The following FAM53A variants were observed in gnomAD, a reference collection of about 807,000 sequenced individuals.
FAM53A encodes family with sequence similarity 53 member A.
In FAM53A, 28 loss-of-function variants were observed where a neutral mutation model predicts 26.6. The observed-to-expected ratio is 1.05, with a 90% CI of 0.78 to 1.45. The LOEUF is 1.45. FAM53A is among the 40% of genes most tolerant of loss of function. The pLI is 0.00. For synonymous variants in FAM53A, 290 were observed against 253.1 expected (o/e 1.15, Z -1.38); for missense variants, 650 against 575.8 (o/e 1.13, Z -1.32).
the FAM53A span, among the ~76,000 whole-genome samples, chr4:1,591,001 T>TATATATATATATAA: frequency 4.8e-5 from 6 of 125,738 alleles, no homozygotes; most frequent in Non-Finnish European, 8.4e-5. Context: ...TATATATATA[T>TATATATATATATAA]AATCATTCTA....
At chr4:1,672,133 G>T (rs13116550) in intron 1 of FAM53A, among the ~76,000 whole-genome samples, 4 of 148,780 alleles carry the variant, frequency 2.7e-5, no homozygotes, top group East Asian at 4.0e-4. Context: ...CAGGGACCTA[G>T]GGACCCAAAG....
At chr4:1,616,774 G>C (rs1228979616), downstream of FAM53A, among the ~76,000 whole-genome samples, 1 of 152,178 alleles carries the variant, frequency 6.6e-6, no homozygotes. Flanking sequence ...CCTTAGTTAT[G>C]TAAGTTTCTT....
At position 1,630,611 on chromosome 4, in the gene FAM53A, G is replaced by A. The variant is rs143730787; in HGVS notation, c.432-12500C>T. Among the ~76,000 whole-genome samples, 555 of 152,212 alleles carry A rather than the reference G, an allele frequency of 3.6e-3. 5 individuals are homozygous for A. The highest frequency in any genetic ancestry group is 9.9e-3 in the African/African-American group (411 of 41,546). On this transcript the variant is annotated intron_variant, in intron 1 of 1. Transcript: ENST00000489029. This position sits in a 1 kb window ranked among gnomAD's most constrained non-coding sequence, Gnocchi z 4.3. ...CTCAGCAATTCCCCTCAGCCTCACC[G>A]CCACTCCCAAGACAGGCCAGGAGCC... is the stretch of plus-strand genomic sequence containing the variant.
intron 1 of FAM53A, among the ~76,000 whole-genome samples, chr4:1,620,769 C>T (rs1002384292): frequency 8.2e-6 from 1 of 122,038 alleles, no homozygotes; most frequent in African/African-American, 3.4e-5. Flanking sequence ...ACATCACTGC[C>T]AACAACAACA....
chr4:1,631,186 C>T (rs750648491), intron 1 of FAM53A, among the ~76,000 whole-genome samples: 6 of 152,366 alleles, frequency 3.9e-5, no homozygotes, highest in East Asian at 3.9e-4. Context: ...GAGAGGCATA[C>T]GACTTGGAGC....
Position 1,641,465 on chromosome 4 carries a change from C to T in FAM53A, c.1025G>A (p.Gly342Asp). Residue 342 changes from glycine to aspartate, a missense_variant, in exon 5 of 5, where the codon GGC (glycine) becomes GAC (aspartate). Transcript: ENST00000308132. ...GITMPGCSQRGLRTSPVHPNL... is the reference protein window; with the variant it reads ...GITMPGCSQRDLRTSPVHPNL... ...GGGGTGGACAGGGCTGGTCCTGAGG[C>T]CCCTCTGGCTGCAGCCAGGCATGGT... 1.2e-6 allele frequency: 2 copies of T among 1,614,162 alleles called. No homozygotes were observed. Among genetic ancestry groups the T allele is most frequent in the Non-Finnish European group, 1.7e-6 (2 of 1,180,012 alleles).
rs377160335 is a variant in FAM53A, at chr4:1,672,262, GACCCACAAACCCAGGAACCAGCC to G, written c.-164-3380_-164-3358del. Among the ~76,000 whole-genome samples the G allele has an allele frequency of 6.5e-3, 948 of 145,206 alleles. 10 individuals carry two copies. Among genetic ancestry groups the G allele is most frequent in the African/African-American group, 0.023 (889 of 39,068 alleles). ...GAACGCACGGACCCAGGGACCCACA[GACCCACAAACCCAGGAACCAGCC>G]ACCCACAGACCCAGGAACCCATGAA... On this transcript the variant is annotated intron_variant, in intron 1 of 4. Transcript: ENST00000308132.
the FAM53A span, among the ~76,000 whole-genome samples, chr4:1,602,944 C>T: frequency 1.6e-3 from 237 of 152,184 alleles, 1 homozygote; most frequent in South Asian, 8.3e-4. Flanking sequence ...CCACGGCACT[C>T]GGGTCATGGG....
At chr4:1,653,420 C>T (rs144387822) in intron 4 of FAM53A, among the ~76,000 whole-genome samples, 161 of 152,296 alleles carry the variant, frequency 1.1e-3, no homozygotes, top group Non-Finnish European at 2.0e-3. Context: ...ATCAATACGT[C>T]GCTGGCACCA....
intron 4 of FAM53A, among the ~76,000 whole-genome samples, chr4:1,647,650 G>A (rs370664289): frequency 6.6e-6 from 1 of 152,238 alleles, no homozygotes; most frequent in African/African-American, 2.4e-5. Context: ...TACCGAGTCC[G>A]CCAGGTGCAA....
the FAM53A span, among the ~76,000 whole-genome samples, chr4:1,578,828 AGGGGAGAGAAGAGGGG>A: frequency 2.6e-5 from 1 of 38,266 alleles, no homozygotes; most frequent in African/African-American, 1.1e-4. Context: ...GAAGAGGGGG[AGGGGAGAGAAGAGGGG>A]GAGGGGAGAG....
chr4:1,613,626 G>A (rs558794303), downstream of FAM53A, among the ~76,000 whole-genome samples: 1 of 152,262 alleles, frequency 6.6e-6, no homozygotes, highest in South Asian at 2.1e-4. Flanking sequence ...TGTGTCACAG[G>A]CAAGCTGCAT....
At chr4:1,680,443 T>C (rs1715356640) in intron 1 of FAM53A, among the ~76,000 whole-genome samples, 1 of 150,892 alleles carries the variant, frequency 6.6e-6, no homozygotes, top group Non-Finnish European at 1.5e-5. Context: ...ATGGAGCAAC[T>C]GTGTACATGA....
intron 4 of FAM53A, among the ~76,000 whole-genome samples, chr4:1,650,409 T>G: frequency 2.0e-5 from 3 of 147,134 alleles, no homozygotes; most frequent in African/African-American, 7.7e-5. Context: ...AGGCGTGGTG[T>G]TTGACTGTGA....
At chr4:1,651,551 G>T (rs1712783657) in intron 4 of FAM53A, among the ~76,000 whole-genome samples, 1 of 150,320 alleles carries the variant, frequency 6.7e-6, no homozygotes, top group African/African-American at 2.5e-5. Context: ...AAAAAAAGAT[G>T]GAGATTAGAG....
chr4:1,588,468 C>A, the FAM53A span, among the ~76,000 whole-genome samples: 2,042 of 152,270 alleles, frequency 0.013, 55 homozygotes, highest in African/African-American at 0.047. Context: ...CCCTGTGGTG[C>A]CCTCCTTACT....
chr4:1,600,944 G>A, the FAM53A span, among the ~76,000 whole-genome samples: 8 of 152,156 alleles, frequency 5.3e-5, no homozygotes, highest in East Asian at 3.9e-4. Flanking sequence ...GGGACATGGC[G>A]ACCAGCCCTG....
At position 1,641,136 on chromosome 4, in the gene FAM53A, C is replaced by A; in HGVS notation, c.*157G>T. On this transcript the variant is annotated 3_prime_UTR_variant, in exon 5 of 5. Transcript: ENST00000308132. ...CCTACTCTGTGCCCCAGGGCAGGTG[C>A]CGGCGGCAGCCGTGGCCCCGACCAG... The A allele has an allele frequency of 3.3e-6, 2 of 606,966 alleles. No individual in the cohort carries two copies. Among genetic ancestry groups the A allele is most frequent in the Non-Finnish European group, 5.7e-6 (2 of 352,212 alleles). The allele number at this position is 606,966 out of a possible 1,614,324, so 37.6% of individuals were successfully genotyped here.
intron 1 of FAM53A, among the ~76,000 whole-genome samples, chr4:1,672,822 T>G (rs950314783): frequency 3.7e-5 from 5 of 135,008 alleles, no homozygotes; most frequent in African/African-American, 1.4e-4. Flanking sequence ...CAGGCTGGAG[T>G]GCAGTGGTGT....
Sources: gnomAD v4.1 joint callset for allele counts (sites outside exome capture counted in the v4.1 genomes callset) on GRCh38, gnomAD v4.1.1 for gene constraint, Gnocchi (gnomAD v3.1) non-coding constraint, MANE v1.5 for transcripts, NCBI Gene and HGNC (gene_info 2026-07-23, HGNC 2026-07-21) for gene names.